The following CCDC148 variants were observed in gnomAD, a reference collection of about 807,000 sequenced individuals.
CCDC148 encodes the protein coiled-coil domain containing 148.
A neutral mutation model predicts 85.7 loss-of-function variants in CCDC148; 89 were observed. That is an observed-to-expected ratio of 1.04 (90% confidence interval 0.87 to 1.24). The LOEUF is 1.24. Among genes scored for constraint, CCDC148 ranks in the 50% most tolerant of loss-of-function variants. The pLI, the probability that CCDC148 is intolerant of heterozygous loss-of-function variation, is 0.00. For missense variants in CCDC148, 692 were observed against 671.7 expected, an observed-to-expected ratio of 1.03 and a Z score of -0.33; for synonymous variants, 230 against 213.9, an observed-to-expected ratio of 1.08 and a Z score of -0.66.
At chr2:158,264,514 C>T (rs1486169490) in intron 9 of CCDC148, among the ~76,000 whole-genome samples, 1 of 152,032 alleles carries the variant, frequency 6.6e-6, no homozygotes, top group Non-Finnish European at 1.5e-5. Flanking sequence ...GATATGTGTG[C>T]ATTTTCTGAA....
At chr2:158,376,643 G>A (rs1204203756) in intron 1 of CCDC148, among the ~76,000 whole-genome samples, 2 of 151,898 alleles carry the variant, frequency 1.3e-5, no homozygotes, top group Non-Finnish European at 1.5e-5. Context: ...ATAAATGAAG[G>A]GGAAGATGAA....
At chr2:158,306,040 C>A (rs1037212250) in intron 9 of CCDC148, among the ~76,000 whole-genome samples, 2 of 152,092 alleles carry the variant, frequency 1.3e-5, no homozygotes, top group African/African-American at 4.8e-5. Context: ...ACTTACATGA[C>A]CTTCTAGAAG....
rs189732992 is a variant in CCDC148 at position 158,377,003 on chromosome 2, G to A, written c.26-18433C>T. Among the ~76,000 whole-genome samples the A allele has an allele frequency of 5.7e-4, 87 of 152,092 alleles. 1 individual carries two copies. Among genetic ancestry groups the A allele is most frequent in the Middle Eastern group, 3.4e-3 (1 of 294 alleles). On this transcript the variant is annotated intron_variant, in intron 1 of 13. Coordinates refer to ENST00000283233, the MANE Select transcript of CCDC148 (RefSeq NM_138803.4). ...TGTGAGGAGAGGGGCTGAATGGGGA[G>A]TGCTCATAAGTCAGTCTTCTCTTGT...
intron 1 of CCDC148, among the ~76,000 whole-genome samples, chr2:158,393,930 A>G (rs1184601488): frequency 6.6e-6 from 1 of 152,140 alleles, no homozygotes; most frequent in African/African-American, 2.4e-5. Context: ...TTATATAACA[A>G]ATTTGATTTT....
chr2:158,225,241 A>G (rs1483512560), intron 10 of CCDC148, among the ~76,000 whole-genome samples: 1 of 152,260 alleles, frequency 6.6e-6, no homozygotes, highest in East Asian at 1.9e-4. Flanking sequence ...GATCAATTCA[A>G]CAAGAAGAGC....
intron 11 of CCDC148, among the ~76,000 whole-genome samples, chr2:158,209,283 A>G (rs1330033751): frequency 2.0e-5 from 3 of 152,006 alleles, no homozygotes; most frequent in Admixed American, 1.3e-4. Flanking sequence ...CCTTCATTTA[A>G]CCTATACCAG....
intron 1 of CCDC148, among the ~76,000 whole-genome samples, chr2:158,449,467 C>T (rs148309511): frequency 0.02 from 2,992 of 148,904 alleles, 45 homozygotes; most frequent in Non-Finnish European, 0.033. Context: ...TTTTTTTTTC[C>T]GAGACAGTCT....
At position 158,358,448 on chromosome 2, in the gene CCDC148, C is replaced by A; in HGVS notation, c.147+1G>T. On this transcript the variant is annotated splice_donor_variant, in intron 2 of 13. Coordinates refer to ENST00000283233, the MANE Select transcript of CCDC148 (RefSeq NM_138803.4). LOFTEE classifies it high-confidence loss of function. ...AAACACATACACACACAACTTCTAA[C>A]CTTTAGCTTTGCAGAGGCAGAAGCC... 1 of 1,604,506 alleles carries A rather than the reference C, an allele frequency of 6.2e-7. No individual in the cohort carries two copies. The highest frequency in any genetic ancestry group is 8.5e-7 in the Non-Finnish European group (1 of 1,177,082).
chr2:158,259,834 T>G (rs565345211), intron 9 of CCDC148, among the ~76,000 whole-genome samples: 72 of 151,884 alleles, frequency 4.7e-4, no homozygotes, highest in Admixed American at 7.9e-4. Flanking sequence ...TACACGTCCT[T>G]GCTTATCTCC....
intron 10 of CCDC148, among the ~76,000 whole-genome samples, chr2:158,227,422 C>A (rs200582534): frequency 0.15 from 22,732 of 151,914 alleles, 2,138 homozygotes; most frequent in Middle Eastern, 0.21. Flanking sequence ...CATCAAGCTA[C>A]CAATGACTTT....
At chr2:158,436,527 A>C (rs1475236817) in intron 1 of CCDC148, among the ~76,000 whole-genome samples, 1 of 152,246 alleles carries the variant, frequency 6.6e-6, no homozygotes, top group Non-Finnish European at 1.5e-5. Flanking sequence ...GAAAGCAGGA[A>C]AGATCTAAAA....
At chr2:158,276,215 G>A (rs538574986) in intron 9 of CCDC148, among the ~76,000 whole-genome samples, 15 of 152,082 alleles carry the variant, frequency 9.9e-5, no homozygotes, top group Non-Finnish European at 1.5e-4. Context: ...TGGATCACTC[G>A]AGGTCAGGAG....
intron 2 of CCDC148, among the ~76,000 whole-genome samples, chr2:158,354,584 C>T (rs1329529889): frequency 6.6e-6 from 1 of 152,138 alleles, no homozygotes; most frequent in Admixed American, 6.6e-5. Flanking sequence ...TAGCAATAAT[C>T]AATAGCTTAC....
At chr2:158,292,231 C>A (rs1306156990) in intron 9 of CCDC148, among the ~76,000 whole-genome samples, 1 of 151,978 alleles carries the variant, frequency 6.6e-6, no homozygotes, top group African/African-American at 2.4e-5. Context: ...TAGACATTTA[C>A]AAAATAGGGA....
chr2:158,299,267 C>G (rs1691336884), intron 9 of CCDC148, among the ~76,000 whole-genome samples: 1 of 152,188 alleles, frequency 6.6e-6, no homozygotes. Flanking sequence ...TCTCAGCCTT[C>G]TAGTGGTTGT....
At chr2:158,352,339 A>G (rs1402949287) in intron 2 of CCDC148, among the ~76,000 whole-genome samples, 5 of 152,142 alleles carry the variant, frequency 3.3e-5, no homozygotes, top group African/African-American at 1.2e-4. Flanking sequence ...AAAAATTTAG[A>G]AGAATGTATA....
At chr2:158,180,065 G>A (rs1684816688) in intron 11 of CCDC148, among the ~76,000 whole-genome samples, 2 of 152,096 alleles carry the variant, frequency 1.3e-5, no homozygotes, top group African/African-American at 4.8e-5. Context: ...CAAAAGAGTA[G>A]GCACCTGGGT....
intron 8 of CCDC148, among the ~76,000 whole-genome samples, chr2:158,311,089 C>T (rs1245807046): frequency 6.6e-6 from 1 of 152,216 alleles, no homozygotes; most frequent in African/African-American, 2.4e-5. Flanking sequence ...GCAGAGGCTG[C>T]AATCTCAGCA....
intron 7 of CCDC148, among the ~76,000 whole-genome samples, chr2:158,327,387 C>T (rs554389712): frequency 6.6e-6 from 1 of 152,192 alleles, no homozygotes; most frequent in Admixed American, 6.5e-5. Context: ...TATTATATGA[C>T]TTACACAATA....
Sources: gnomAD v4.1 joint callset for allele counts (sites outside exome capture counted in the v4.1 genomes callset) on GRCh38, gnomAD v4.1.1 for gene constraint, MANE v1.5 for transcripts, NCBI Gene and HGNC (gene_info 2026-07-23, HGNC 2026-07-21) for gene names.